VPS13B: variants seen among roughly 807,000 people sequenced by gnomAD.
The protein encoded by VPS13B is vacuolar protein sorting 13 homolog B, also known as intermembrane lipid transfer protein VPS13B.
In VPS13B, 285 loss-of-function variants were observed where a neutral mutation model predicts 426.4. The observed-to-expected ratio is 0.67, with a 90% confidence interval of 0.61 to 0.74. The LOEUF is 0.74. Ranked by LOEUF, VPS13B falls within the 30% of genes least tolerant of loss-of-function variation. The pLI is 0.00. For missense variants in VPS13B, 4,537 were observed against 4,782.6 expected (o/e 0.95, Z 1.51); for synonymous variants, 1,676 against 1,676.4 (o/e 1.00, Z 0.01).
intron 35 of VPS13B, chr8:99,695,995 G>A (rs1474007415): frequency 6.6e-6 from 1 of 152,510 alleles, no homozygotes; most frequent in Non-Finnish European, 1.5e-5. Flanking sequence ...TGGGGTTGAG[G>A]AGTGGAGCAA....
Position 99,308,596 on chromosome 8 carries a change from T to C in VPS13B, c.2824+33342T>C, listed in dbSNP as rs546250994. On this transcript the variant is annotated intron_variant, in intron 19 of 61. Transcript: ENST00000357162. The stretch of plus-strand genomic sequence containing the variant: ...GTCTATCATTGTTGGACATTTGGGT[T>C]GGTTCCAAGTCTTTGCTATTGTGAA... Among the ~76,000 whole-genome samples the C allele has an allele frequency of 5.0e-3, 762 of 152,302 alleles. 3 individuals are homozygous for C. The highest frequency in any genetic ancestry group is 0.018 in the African/African-American group (731 of 41,568).
rs1328146841 is a variant in VPS13B, at chr8:99,192,917, A to G, written c.2375A>G (p.Glu792Gly). 1.2e-6 allele frequency: 2 copies of G among 1,613,378 alleles called. No homozygotes were observed. Among genetic ancestry groups the G allele is most frequent in the African/African-American group, 2.7e-5 (2 of 74,914 alleles). ...SQIAITEGIFELPNLTIQATR... is the reference protein window; with the variant it reads ...SQIAITEGIFGLPNLTIQATR... ...ATTGCTATAACTGAAGGTATATTTG[A>G]ACTTCCAAATCTCACAATTCAAGCT... The change falls in exon 17 of 62, where the codon GAA (glutamate) becomes GGA (glycine). Residue 792 changes from glutamate (E) to glycine (G), a missense_variant. Glu to Gly is a moderately conservative substitution (Grantham distance 98). This residue lies in a region of VPS13B where 4,311 missense variants were observed against 4,474.3 expected (regional missense o/e 0.96). Transcript: ENST00000357162.
At chr8:99,699,430 T>C (rs1382737568) in intron 35 of VPS13B, 95 bp from the exon 36 acceptor site, 1 of 1,373,022 alleles carries the variant, frequency 7.3e-7, no homozygotes, top group African/African-American at 1.4e-5. Flanking sequence ...AATATGGATC[T>C]TGGGACACTT....
At chr8:99,578,938 C>T (rs1825906722) in intron 33 of VPS13B, among the ~76,000 whole-genome samples, 1 of 152,120 alleles carries the variant, frequency 6.6e-6, no homozygotes, top group Admixed American at 6.5e-5. Flanking sequence ...ACTAACTATC[C>T]TTCCCTGAAT....
At chr8:99,837,259 G>A (rs958152018) in intron 54 of VPS13B, among the ~76,000 whole-genome samples, 1 of 152,126 alleles carries the variant, frequency 6.6e-6, no homozygotes, top group African/African-American at 2.4e-5. Context: ...TCACCCTGGA[G>A]ACCTGCGTTT....
At chr8:99,117,379 A>G (rs1847710971) in intron 7 of VPS13B, among the ~76,000 whole-genome samples, 1 of 152,192 alleles carries the variant, frequency 6.6e-6, no homozygotes, top group Non-Finnish European at 1.5e-5. Flanking sequence ...GGAAAACAAT[A>G]TGGCAGTTCT....
intron 39 of VPS13B, among the ~76,000 whole-genome samples, chr8:99,739,510 T>G (rs1398177418): frequency 6.6e-6 from 1 of 152,202 alleles, no homozygotes; most frequent in Non-Finnish European, 1.5e-5. Context: ...TATCTGAGAA[T>G]GGACAGACTG....
chr8:99,666,527 C>T (rs1307192631), intron 35 of VPS13B, among the ~76,000 whole-genome samples: 1 of 152,070 alleles, frequency 6.6e-6, no homozygotes, highest in Non-Finnish European at 1.5e-5. Flanking sequence ...TAAATGTTAT[C>T]CAGCATATAA....
At chr8:99,397,344 C>T (rs916730630) in intron 21 of VPS13B, among the ~76,000 whole-genome samples, 5 of 152,054 alleles carry the variant, frequency 3.3e-5, no homozygotes, top group African/African-American at 1.2e-4. Flanking sequence ...GGGGTTTCAC[C>T]GTGTTGGCCA....
intron 33 of VPS13B, among the ~76,000 whole-genome samples, chr8:99,590,720 T>C (rs1826602291): frequency 6.6e-6 from 1 of 152,194 alleles, no homozygotes; most frequent in Non-Finnish European, 1.5e-5. Flanking sequence ...GTGATTTCTG[T>C]TCTTTTACAT....
chr8:99,254,928 CTT>C (rs1314278603), intron 17 of VPS13B, among the ~76,000 whole-genome samples: 1 of 152,130 alleles, frequency 6.6e-6, no homozygotes, highest in South Asian at 2.1e-4. Context: ...CAGAGCCACT[CTT>C]TTTTGAAGTA....
intron 19 of VPS13B, among the ~76,000 whole-genome samples, chr8:99,351,435 A>AGAGTGTGT (rs1347043475): frequency 6.9e-6 from 1 of 145,654 alleles, no homozygotes; most frequent in African/African-American, 2.6e-5. Context: ...AGAGAGAGAG[A>AGAGTGTGT]GTGTGTGTGT....
At chr8:99,737,709 A>G (rs1833902766) in intron 39 of VPS13B, among the ~76,000 whole-genome samples, 1 of 152,236 alleles carries the variant, frequency 6.6e-6, no homozygotes, top group Admixed American at 6.5e-5. Flanking sequence ...TATACAAATA[A>G]GTAATTACAG....
chr8:99,462,122 ACTTCCTTC>A (rs1278170344), intron 23 of VPS13B, among the ~76,000 whole-genome samples: 1 of 120,414 alleles, frequency 8.3e-6, no homozygotes, highest in Non-Finnish European at 1.8e-5. Context: ...CTTCCTTCCA[ACTTCCTTC>A]CTTCCTTTCC....
chr8:99,058,261 T>G (rs1474323051), intron 3 of VPS13B, among the ~76,000 whole-genome samples: 1 of 151,968 alleles, frequency 6.6e-6, no homozygotes, highest in African/African-American at 2.4e-5. Context: ...TGTCTTCTCT[T>G]AAGTCAGATT....
chr8:99,871,644 A>C lies in VPS13B; in HGVS notation c.11692A>C (p.Asn3898His). The C allele has an allele frequency of 1.2e-6, 2 of 1,614,186 alleles. No homozygotes were observed. Among genetic ancestry groups the C allele is most frequent in the African/African-American group, 1.3e-5 (1 of 75,054 alleles). The change falls in exon 61 of 62, where the codon AAC (asparagine) becomes CAC (histidine). Residue 3898 changes from asparagine (N) to histidine (H), a missense_variant. Transcript: ENST00000357162. ...EIDCAQDSKQ[N>H]NLLTVQLKQP... ...CGACTGTGCACAGGACAGCAAGCAG[A>C]ACAACTTACTCACAGTGCAGCTCAA...
intron 19 of VPS13B, among the ~76,000 whole-genome samples, chr8:99,331,836 T>C (rs1013192549): frequency 2.6e-5 from 4 of 151,766 alleles, no homozygotes; most frequent in African/African-American, 7.2e-5. Flanking sequence ...CATTGCATGA[T>C]CTTACAGCAT....
chr8:99,591,780 C>T (rs1248143208), intron 33 of VPS13B, among the ~76,000 whole-genome samples: 3 of 152,002 alleles, frequency 2.0e-5, no homozygotes, highest in African/African-American at 7.2e-5. Context: ...TGGCTGCCCT[C>T]AGCATTTTTT....
chr8:99,726,833 G>A (rs1210165553), intron 39 of VPS13B, among the ~76,000 whole-genome samples: 3 of 152,168 alleles, frequency 2.0e-5, no homozygotes, highest in Non-Finnish European at 2.9e-5. Flanking sequence ...TGGGATTACA[G>A]GCATGAGCCA....
Sources: gnomAD v4.1 joint callset for allele counts (sites outside exome capture counted in the v4.1 genomes callset) on GRCh38, gnomAD v4.1.1 for gene constraint, gnomAD v4.1.1 regional missense constraint, MANE v1.5 for transcripts, NCBI Gene and HGNC (gene_info 2026-07-23, HGNC 2026-07-21) for gene names.